The following CRTC3 variants were observed in gnomAD, a reference collection of about 807,000 sequenced individuals.
CRTC3 encodes the protein CREB regulated transcription coactivator 3, also known as CREB-regulated transcription coactivator 3.
Under a neutral mutation model 74.5 loss-of-function variants are expected in CRTC3, and 26 were observed. That is an observed-to-expected ratio of 0.35 (90% CI 0.26 to 0.48). The LOEUF (loss-of-function observed/expected upper bound fraction) is 0.48, where lower values mean the gene tolerates loss of function less well. CRTC3 is among the 20% of genes least tolerant of loss of function. The pLI is 0.99. For missense variants in CRTC3, 760 were observed against 787.3 expected, an observed-to-expected ratio of 0.97 and a Z score of 0.41; for synonymous variants, 377 against 325.8, an observed-to-expected ratio of 1.16 and a Z score of -1.69.
intron 2 of CRTC3, among the ~76,000 whole-genome samples, chr15:90,562,351 C>T (rs1967030425): frequency 6.6e-6 from 1 of 152,180 alleles, no homozygotes; most frequent in Admixed American, 6.5e-5. Flanking sequence ...CCCCATTTTA[C>T]TGATGCTTAA....
chr15:90,644,056 G>A lies in CRTC3; in HGVS notation c.*1916G>A, dbSNP rs896962381. The A allele has an allele frequency of 1.2e-4, 28 of 231,442 alleles. No homozygotes were observed. Among genetic ancestry groups the A allele is most frequent in the Middle Eastern group, 1.3e-3 (1 of 776 alleles). The allele number at this position is 231,442 out of a possible 1,614,324, so 14.3% of individuals were successfully genotyped here. ...TGGGGTGCCCCTCCACCTTCCTCTG[G>A]AATCCAAGTATTCCTGTTTCACATT... On this transcript the variant is annotated 3_prime_UTR_variant, in exon 15 of 15. Coordinates refer to ENST00000268184, the MANE Select transcript of CRTC3 (RefSeq NM_022769.5).
intron 1 of CRTC3, among the ~76,000 whole-genome samples, chr15:90,535,683 G>T (rs543384679): frequency 1.3e-5 from 2 of 152,156 alleles, no homozygotes; most frequent in South Asian, 4.1e-4. Flanking sequence ...ACATAGATAT[G>T]TCATAGATTA....
chr15:90,605,288 T>C (rs1968187541), intron 5 of CRTC3, among the ~76,000 whole-genome samples: 1 of 151,996 alleles, frequency 6.6e-6, no homozygotes, highest in Non-Finnish European at 1.5e-5. Context: ...GTGCAAAATT[T>C]TAAATATACT....
At chr15:90,543,932 G>T (rs537137235) in intron 2 of CRTC3, among the ~76,000 whole-genome samples, 1 of 152,132 alleles carries the variant, frequency 6.6e-6, no homozygotes, top group Admixed American at 6.5e-5. Context: ...TGTCCTATTA[G>T]TGGAATCAAA....
intron 2 of CRTC3, among the ~76,000 whole-genome samples, chr15:90,558,919 T>G (rs1386355575): frequency 2.0e-5 from 3 of 151,730 alleles, no homozygotes; most frequent in African/African-American, 7.3e-5. Context: ...GCCCGGCTAA[T>G]TTTTGTATTT....
intron 6 of CRTC3, among the ~76,000 whole-genome samples, chr15:90,609,621 T>G (rs903770754): frequency 5.9e-5 from 9 of 152,194 alleles, no homozygotes; most frequent in Non-Finnish European, 1.3e-4. Context: ...CAAGTGAGGA[T>G]TTTTTGAGGC....
At chr15:90,633,312 A>C (rs527383463) in intron 11 of CRTC3, among the ~76,000 whole-genome samples, 26 of 152,268 alleles carry the variant, frequency 1.7e-4, no homozygotes, top group African/African-American at 6.3e-4. Flanking sequence ...CACATTCAAA[A>C]CTAAATTCTC....
chr15:90,537,296 C>A (rs1233227223), intron 1 of CRTC3, among the ~76,000 whole-genome samples: 5 of 152,200 alleles, frequency 3.3e-5, no homozygotes, highest in Non-Finnish European at 5.9e-5. Context: ...GTCATTTAAT[C>A]CTCACTTTAT....
chr15:90,601,888 C>CT (rs34435998), intron 3 of CRTC3, among the ~76,000 whole-genome samples: 1 of 151,972 alleles, frequency 6.6e-6, no homozygotes, highest in Non-Finnish European at 1.5e-5. Context: ...TGGGGCACTC[C>CT]TTTTTTTTCC....
intron 2 of CRTC3, among the ~76,000 whole-genome samples, chr15:90,589,034 G>A (rs1488371039): frequency 1.3e-5 from 2 of 152,058 alleles, no homozygotes; most frequent in Admixed American, 1.3e-4. Context: ...TTGGGGTTTT[G>A]TTGTTGTCGT....
At chr15:90,531,651 C>T (rs573447945) in intron 1 of CRTC3, among the ~76,000 whole-genome samples, 170 of 152,324 alleles carry the variant, frequency 1.1e-3, no homozygotes, top group Middle Eastern at 3.4e-3. Context: ...GCATTTACAT[C>T]TGTGACCTTG....
At chr15:90,552,768 G>A (rs1285398618) in intron 2 of CRTC3, among the ~76,000 whole-genome samples, 1 of 152,196 alleles carries the variant, frequency 6.6e-6, no homozygotes, top group Non-Finnish European at 1.5e-5. Flanking sequence ...GGGTTTTGGA[G>A]CTGGATTGTG....
At chr15:90,535,871 A>G (rs1966710950) in intron 1 of CRTC3, among the ~76,000 whole-genome samples, 1 of 152,156 alleles carries the variant, frequency 6.6e-6, no homozygotes, top group South Asian at 2.1e-4. Context: ...GTGGATGAGT[A>G]AACTGAGGCT....
intron 8 of CRTC3, 112 bp from the exon 9 acceptor site, chr15:90,619,629 G>A (rs548079476): frequency 8.5e-6 from 7 of 824,836 alleles, no homozygotes; most frequent in East Asian, 7.4e-5. Context: ...CTGTCGACAC[G>A]CAAGCTCTCA....
chr15:90,561,664 C>T (rs1967013628), intron 2 of CRTC3, among the ~76,000 whole-genome samples: 1 of 152,146 alleles, frequency 6.6e-6, no homozygotes, highest in East Asian at 1.9e-4. Context: ...CAGCCTCTGA[C>T]TGCCAGCTCA....
chr15:90,617,845 C>T (rs1398531423), intron 7 of CRTC3, 38 bp from the exon 8 acceptor site: 1 of 1,430,452 alleles, frequency 7.0e-7, no homozygotes. Context: ...TTCCTGCCTT[C>T]TCATGCAATG....
chr15:90,613,018 G>T (rs768608018), intron 6 of CRTC3, among the ~76,000 whole-genome samples: 1 of 151,994 alleles, frequency 6.6e-6, no homozygotes, highest in Non-Finnish European at 1.5e-5. Flanking sequence ...GGCCATCATG[G>T]TGAAACCCCG....
chr15:90,623,431 C>T (rs952913455), intron 9 of CRTC3, among the ~76,000 whole-genome samples: 2 of 152,168 alleles, frequency 1.3e-5, no homozygotes, highest in Non-Finnish European at 2.9e-5. Context: ...CCCCTGCCCT[C>T]ATTCCCAATC....
intron 2 of CRTC3, among the ~76,000 whole-genome samples, chr15:90,550,524 TAAAC>T (rs896432608): frequency 6.6e-6 from 1 of 150,864 alleles, no homozygotes; most frequent in Non-Finnish European, 1.5e-5. Context: ...AGTACAAGGT[TAAAC>T]AAGCAGATGG....
Sources: allele counts gnomAD v4.1 joint callset (sites outside exome capture counted in the v4.1 genomes callset), GRCh38; gene constraint gnomAD v4.1.1; transcripts MANE v1.5; gene names NCBI Gene and HGNC (gene_info 2026-07-23, HGNC 2026-07-21).